ANXA4: variants seen among roughly 807,000 people sequenced by gnomAD.
ANXA4 encodes annexin A4, also known as 35-beta calcimedin.
ANXA4 carries 39 observed loss-of-function variants against 49.8 expected under a neutral mutation model. The ratio of observed to expected loss-of-function variants is 0.78; its 90% CI spans 0.61 to 1.02. The LOEUF is 1.02. Among genes scored for constraint, ANXA4 ranks in the 50% least tolerant of loss-of-function variants. The pLI, the probability that ANXA4 is intolerant of heterozygous loss-of-function variation, is 0.00. For synonymous variants in ANXA4, 134 were observed against 152.5 expected (o/e 0.88, Z 0.89); for missense variants, 360 against 410.1 (o/e 0.88, Z 1.05).
chr2:69,746,103 C>CTG (rs1445999700), intron 1 of ANXA4, among the ~76,000 whole-genome samples: 1 of 152,064 alleles, frequency 6.6e-6, no homozygotes, highest in Non-Finnish European at 1.5e-5. Flanking sequence ...CCTCTGCCTC[C>CTG]CAGGTTCAAG....
intron 2 of ANXA4, among the ~76,000 whole-genome samples, chr2:69,718,080 T>A (rs938013410): frequency 6.6e-6 from 1 of 152,184 alleles, no homozygotes. Context: ...CCCTGGCTAC[T>A]TGGCTTCTAG....
intron 1 of ANXA4, among the ~76,000 whole-genome samples, chr2:69,761,534 C>G (rs1671287746): frequency 6.6e-6 from 1 of 151,976 alleles, no homozygotes; most frequent in Middle Eastern, 3.4e-3. Context: ...CACGAACTCT[C>G]TTGTCAATTC....
intron 2 of ANXA4, among the ~76,000 whole-genome samples, chr2:69,705,989 AT>A (rs1315698531): frequency 5.3e-5 from 8 of 152,068 alleles, no homozygotes; most frequent in African/African-American, 1.2e-4. Context: ...GTACATGTTA[AT>A]TTTTTTAATT....
chr2:69,739,471 G>A (rs895580077), upstream of ANXA4, among the ~76,000 whole-genome samples: 5 of 152,016 alleles, frequency 3.3e-5, no homozygotes, highest in Admixed American at 3.3e-4. Flanking sequence ...GAGTGCAGAG[G>A]CATAGCTCAC....
chr2:69,694,241 T>C (rs1678078152), intron 2 of ANXA4, among the ~76,000 whole-genome samples: 2 of 152,262 alleles, frequency 1.3e-5, no homozygotes, highest in Middle Eastern at 6.8e-3. Context: ...AGGGCGCTTG[T>C]TTGCCCCTTC....
chr2:69,748,569 A>G (rs1023575124), intron 1 of ANXA4, among the ~76,000 whole-genome samples: 4 of 151,278 alleles, frequency 2.6e-5, no homozygotes, highest in African/African-American at 9.7e-5. Flanking sequence ...TTAATTTTAC[A>G]TATTAATTTC....
chr2:69,783,059 C>T (rs905255880), intron 2 of ANXA4, among the ~76,000 whole-genome samples: 22 of 152,074 alleles, frequency 1.4e-4, no homozygotes, highest in Admixed American at 1.3e-4. Context: ...TTGTACCCCA[C>T]TTAGTATAGG....
rs753026355 is a variant in ANXA4, at chr2:69,806,488, G to A, written c.296G>A (p.Arg99Lys). The change falls in exon 5 of 13, where the codon AGG (arginine) becomes AAG (lysine). Residue 99 changes from arginine to lysine, a missense_variant. Arg to Lys is a conservative substitution (Grantham distance 26, BLOSUM62 2). Coordinates refer to ENST00000394295, the MANE Select transcript of ANXA4 (RefSeq NM_001153.5). ...TVLYDVQELR[R>K]AMKGAGTDEG... ...CTGTATGACGTGCAAGAGCTGCGAA[G>A]GGCCATGAAGGTCTGTGCTCTTCCT... 29 of 1,613,542 alleles carry A rather than the reference G, an allele frequency of 1.8e-5. No individual in the cohort carries two copies. Among genetic ancestry groups the A allele is most frequent in the Non-Finnish European group, 2.3e-5 (27 of 1,179,580 alleles).
At chr2:69,734,886 A>G (rs1308459413) in intron 3 of ANXA4, among the ~76,000 whole-genome samples, 1 of 152,200 alleles carries the variant, frequency 6.6e-6, no homozygotes, top group Non-Finnish European at 1.5e-5. Flanking sequence ...GGTATTCAGC[A>G]ACATCTCAAA....
At chr2:69,678,658 A>G (rs576215825) in intron 2 of ANXA4, among the ~76,000 whole-genome samples, 1 of 152,096 alleles carries the variant, frequency 6.6e-6, no homozygotes, top group Non-Finnish European at 1.5e-5. Flanking sequence ...AGGCCTCCCA[A>G]AGTGCTGGGA....
intron 12 of ANXA4, among the ~76,000 whole-genome samples, chr2:69,825,238 T>C (rs916033609): frequency 6.6e-6 from 1 of 152,144 alleles, no homozygotes; most frequent in Non-Finnish European, 1.5e-5. Flanking sequence ...ACGGTAAGAA[T>C]AGTAGTCTCT....
intron 2 of ANXA4, among the ~76,000 whole-genome samples, chr2:69,704,158 A>T (rs1055879301): frequency 6.6e-6 from 1 of 152,224 alleles, no homozygotes; most frequent in Non-Finnish European, 1.5e-5. Flanking sequence ...ACAGCAAGAA[A>T]TAATACCCCT....
At chr2:69,747,711 G>A (rs1283035594) in intron 1 of ANXA4, among the ~76,000 whole-genome samples, 2 of 152,036 alleles carry the variant, frequency 1.3e-5, no homozygotes, top group Non-Finnish European at 2.9e-5. Context: ...TCAGAAAGGG[G>A]GTCTTGCTCT....
intron 3 of ANXA4, among the ~76,000 whole-genome samples, chr2:69,722,157 CCTA>C (rs1229483681): frequency 2.0e-5 from 3 of 152,158 alleles, no homozygotes. Context: ...CACACCCATT[CCTA>C]CTGTGTATTT....
chr2:69,763,016 T>G (rs1039748285), intron 1 of ANXA4, among the ~76,000 whole-genome samples: 4 of 152,322 alleles, frequency 2.6e-5, no homozygotes, highest in African/African-American at 9.6e-5. Context: ...TCCCTTTTCT[T>G]CCCTGTGCCT....
At chr2:69,743,696 T>C (rs764321236) in intron 1 of ANXA4, among the ~76,000 whole-genome samples, 8 of 152,134 alleles carry the variant, frequency 5.3e-5, no homozygotes, top group Admixed American at 4.6e-4. Flanking sequence ...TTTCTGTTGA[T>C]TGAAGATAGA....
intron 2 of ANXA4, among the ~76,000 whole-genome samples, chr2:69,701,815 C>CT (rs58727087): frequency 3.3e-5 from 5 of 149,396 alleles, no homozygotes; most frequent in African/African-American, 4.9e-5. Context: ...TTATTGGCGA[C>CT]TTTTTTTTTT....
intron 3 of ANXA4, among the ~76,000 whole-genome samples, chr2:69,723,130 G>A (rs1009796047): frequency 1.6e-4 from 24 of 149,834 alleles, no homozygotes; most frequent in African/African-American, 5.6e-4. Flanking sequence ...GGTGGAGGTT[G>A]CAGTGAGCCG....
intron 1 of ANXA4, among the ~76,000 whole-genome samples, chr2:69,751,898 G>A (rs1273518493): frequency 1.3e-5 from 2 of 152,224 alleles, no homozygotes; most frequent in South Asian, 2.1e-4. Flanking sequence ...TGTAAGTGGC[G>A]GGCACTAGAG....
Sources: gnomAD v4.1 joint callset for allele counts (sites outside exome capture counted in the v4.1 genomes callset) on GRCh38, gnomAD v4.1.1 for gene constraint, MANE v1.5 for transcripts, NCBI Gene and HGNC (gene_info 2026-07-23, HGNC 2026-07-21) for gene names.